Variants in DDIAS observed in about 807,000 individuals in gnomAD.
DDIAS encodes the protein DNA damage induced apoptosis suppressor, also known as DNA damage-induced apoptosis suppressor protein.
Under a neutral mutation model 15.7 loss-of-function variants are expected in DDIAS, and 14 were observed. The observed-to-expected ratio is 0.89, with a 90% CI of 0.59 to 1.39. The LOEUF (loss-of-function observed/expected upper bound fraction) is 1.39, where lower values mean the gene tolerates loss of function less well. Among genes scored for constraint, DDIAS ranks in the 40% most tolerant of loss-of-function variants. The pLI, the probability that DDIAS is intolerant of heterozygous loss-of-function variation, is 0.00. For synonymous variants in DDIAS, 355 were observed against 395.9 expected, an observed-to-expected ratio of 0.90 and a Z score of 1.23; for missense variants, 1,035 against 1,130.9, an observed-to-expected ratio of 0.92 and a Z score of 1.22.
intron 3 of DDIAS, among the ~76,000 whole-genome samples, chr11:82,927,550 G>T (rs1264067472): frequency 6.6e-6 from 1 of 152,112 alleles, no homozygotes; most frequent in African/African-American, 2.4e-5. Context: ...TCTTTTTTAA[G>T]ATCTTTAGCA....
chr11:82,923,010 G>C (rs1315776895), intron 3 of DDIAS, among the ~76,000 whole-genome samples: 1 of 152,160 alleles, frequency 6.6e-6, no homozygotes, highest in Non-Finnish European at 1.5e-5. Context: ...GTGGTATTCA[G>C]GGTTTGTCTG....
intron 3 of DDIAS, among the ~76,000 whole-genome samples, chr11:82,919,860 G>A (rs975670204): frequency 2.6e-5 from 4 of 152,040 alleles, no homozygotes; most frequent in Admixed American, 2.0e-4. Context: ...TGAGTAGCTG[G>A]GACTACTGGT....
rs71063242 is a variant in DDIAS, at chr11:82,926,088, A to ATTT, written c.114-2674_114-2672dup. Among the ~76,000 whole-genome samples the ATTT allele has an allele frequency of 2.1e-3, 286 of 133,986 alleles. 12 individuals carry two copies. The highest frequency in any genetic ancestry group is 7.9e-3 in the Middle Eastern group (2 of 252). 87.9% of individuals were successfully genotyped at this position (133,986 alleles called of 152,430 possible). A position where few individuals can be genotyped will look rare whatever the true frequency, so the allele number is the denominator to read the frequency against. ...GAATATATTCAATCTTTGGCAAGTA[A>ATTT]TTTTTTTTTTTTTTTTTGAGACAGG... is the stretch of plus-strand genomic sequence containing the variant. On this transcript the variant is annotated intron_variant, in intron 3 of 5. Transcript: ENST00000533655.
chr11:82,917,113 A>G (rs1248339500), intron 3 of DDIAS, among the ~76,000 whole-genome samples: 1 of 151,708 alleles, frequency 6.6e-6, no homozygotes, highest in Non-Finnish European at 1.5e-5. Context: ...ACATTGACAC[A>G]AAAATTTTTT....
intron 1 of DDIAS, among the ~76,000 whole-genome samples, chr11:82,905,619 C>T (rs1860412918): frequency 6.6e-6 from 1 of 152,098 alleles, no homozygotes; most frequent in Admixed American, 6.5e-5. Flanking sequence ...TCTCATGGCA[C>T]TATGCATTTC....
chr11:82,933,941 C>T lies in DDIAS; in HGVS notation c.2603C>T (p.Thr868Ile). Reference sequence around the variant, plus strand: ...GATAGTGATGAATGGGTCCCTCCTACCACACAAAAAATATTTCCTTCAGAT... The same window carrying T: ...GATAGTGATGAATGGGTCCCTCCTATCACACAAAAAATATTTCCTTCAGAT... ...ETDSDEWVPPTTQKIFPSDML... is the reference protein window; with the variant it reads ...ETDSDEWVPPITQKIFPSDML... The change falls in exon 6 of 6, where the codon ACC becomes ATC. Residue 868 changes from threonine (T) to isoleucine (I), a missense_variant. Thr to Ile is a moderately conservative substitution (Grantham distance 89). Transcript: ENST00000533655. 6.2e-7 allele frequency: 1 copy of T among 1,612,456 alleles called. No individual in the cohort carries two copies. The highest frequency in any genetic ancestry group is 8.5e-7 in the Non-Finnish European group (1 of 1,179,644).
At chr11:82,908,118 G>C (rs1860465950) in intron 1 of DDIAS, among the ~76,000 whole-genome samples, 1 of 152,192 alleles carries the variant, frequency 6.6e-6, no homozygotes, top group South Asian at 2.1e-4. Flanking sequence ...TAACATTAGA[G>C]TTACAGATTG....
chr11:82,928,808 G>C lies in DDIAS; in HGVS notation c.145G>C (p.Glu49Gln). 1 of 1,613,564 alleles carries C rather than the reference G, an allele frequency of 6.2e-7. No individual in the cohort carries two copies. Among genetic ancestry groups the C allele is most frequent in the Non-Finnish European group, 8.5e-7 (1 of 1,179,830 alleles). Residue 49 changes from glutamate to glutamine, a missense_variant, in exon 4 of 6, where the codon GAA (glutamate) becomes CAA (glutamine). Glu to Gln is a conservative substitution (Grantham distance 29). Transcript: ENST00000533655. ...TTGTCCAAAATGTGGCTCTACTGGT[G>C]AATCTGGAAATGCCAATTACAGATA... ...SNCPKCGSTG[E>Q]SGNANYRYKL... is the part of the protein sequence containing the mutation.
intron 3 of DDIAS, among the ~76,000 whole-genome samples, chr11:82,918,386 G>T (rs1860674661): frequency 6.6e-6 from 1 of 152,190 alleles, no homozygotes; most frequent in African/African-American, 2.4e-5. Flanking sequence ...TCAGTTGGCT[G>T]TAAGTATTTG....
At chr11:82,904,204 C>A (rs1377311138) in intron 1 of DDIAS, among the ~76,000 whole-genome samples, 4 of 152,196 alleles carry the variant, frequency 2.6e-5, no homozygotes, top group African/African-American at 7.2e-5. Context: ...TTCTCTTCAG[C>A]CCCATCCCCA....
Position 82,933,531 on chromosome 11 carries a change from A to C in DDIAS, c.2193A>C (p.Ser731=). ...RSLSEDFIQP[S]QKLSLQSLSD... is the part of the protein sequence containing the mutation. ...TTTCTGAAGACTTCATCCAGCCTTC[A>C]CAAAAATTATCCTTGCAAAGCCTAT... Residue 731 remains serine (S), a synonymous_variant, in exon 6 of 6, where the codon TCA becomes TCC. Transcript: ENST00000533655. The C allele has an allele frequency of 6.2e-7, 1 of 1,614,120 alleles. No homozygotes were observed. The highest frequency in any genetic ancestry group is 8.5e-7 in the Non-Finnish European group (1 of 1,180,004).
At chr11:82,915,572 T>C (rs1365864124) in intron 3 of DDIAS, among the ~76,000 whole-genome samples, 2 of 152,236 alleles carry the variant, frequency 1.3e-5, no homozygotes, top group South Asian at 4.1e-4. Flanking sequence ...ATCTAGACTC[T>C]AAGTAATCCT....
intron 1 of DDIAS, among the ~76,000 whole-genome samples, chr11:82,910,606 CTTTTTTTTT>C (rs869173859): frequency 0.24 from 21,069 of 88,514 alleles, 1,681 homozygotes; most frequent in Admixed American, 0.32. Flanking sequence ...CTCTCTCTCT[CTTTTTTTTT>C]TTTTTTTTTT....
rs780444918 is a variant in DDIAS at position 82,931,987 on chromosome 11, A to G, written c.649A>G (p.Ile217Val). Residue 217 changes from isoleucine (I) to valine (V), a missense_variant, in exon 6 of 6, where the codon ATA becomes GTA. Physicochemically the swap from Ile to Val is conservative, Grantham distance 29. Transcript: ENST00000533655. ...TCACTCAAATAGTGATCTCAGCAGC[A>G]TATATACTTCTGACAGCACTTCTGA... ...LDHSNSDLSS[I>V]YTSDSTSDFF... 4 of 1,614,180 alleles carry G rather than the reference A, an allele frequency of 2.5e-6. No individual in the cohort carries two copies. The South Asian group carries it at 3.3e-5, about 13-fold the overall frequency.
chr11:82,933,563 C>G lies in DDIAS; in HGVS notation c.2225C>G (p.Ser742Cys), dbSNP rs748455451. Reference sequence around the variant, plus strand: ...TTATCCTTGCAAAGCCTATCTGACTCTAGGCATTCAAGAACATGCTCTCCA... The same window carrying G: ...TTATCCTTGCAAAGCCTATCTGACTGTAGGCATTCAAGAACATGCTCTCCA... The part of the protein sequence containing the change: ...QKLSLQSLSD[S>C]RHSRTCSPTP... The change falls in exon 6 of 6, where the codon TCT (serine) becomes TGT (cysteine). Residue 742 changes from serine (S) to cysteine (C), a missense_variant. Coordinates refer to ENST00000533655, the MANE Select transcript of DDIAS (RefSeq NM_145018.4). 1.4e-5 allele frequency: 23 copies of G among 1,614,062 alleles called. No individual in the cohort carries two copies. The highest frequency in any genetic ancestry group is 1.9e-5 in the Non-Finnish European group (23 of 1,179,962).
At position 82,933,382 on chromosome 11, in the gene DDIAS, G is replaced by T; in HGVS notation, c.2044G>T (p.Asp682Tyr). 6.2e-7 allele frequency: 1 copy of T among 1,613,976 alleles called. No individual in the cohort carries two copies. Among genetic ancestry groups the T allele is most frequent in the Non-Finnish European group, 8.5e-7 (1 of 1,179,936 alleles). The change falls in exon 6 of 6, where the codon GAT becomes TAT. Residue 682 changes from aspartate to tyrosine, a missense_variant. By Grantham distance (160) the Asp-to-Tyr change is radical. Coordinates refer to ENST00000533655, the MANE Select transcript of DDIAS (RefSeq NM_145018.4). ...TGATGCCTCTGCTGATCTCTTTGAT[G>T]ATATTGCTAAAGAAATGGACATTGC... is the stretch of plus-strand genomic sequence containing the variant. ...SYDASADLFD[D>Y]IAKEMDIATE... is the part of the protein sequence containing the mutation.
At chr11:82,920,592 T>G (rs1441041992) in intron 3 of DDIAS, among the ~76,000 whole-genome samples, 1 of 152,210 alleles carries the variant, frequency 6.6e-6, no homozygotes, top group Non-Finnish European at 1.5e-5. Flanking sequence ...GCCATTCAGT[T>G]TGAAGAATTT....
Position 82,931,860 on chromosome 11 carries a change from C to T in DDIAS, c.522C>T (p.Gly174=), listed in dbSNP as rs1268711103. ...TTCTACCAGACCCAGGTATTGCAGG[C>T]TTTACTGTCATTGACTACTTCCATC... ...QIVLPDPGIA[G]FTVIDYFHQL... The change falls in exon 6 of 6, where the codon GGC becomes GGT. Residue 174 remains glycine (G), a synonymous_variant. Coordinates refer to ENST00000533655, the MANE Select transcript of DDIAS (RefSeq NM_145018.4). 1 of 1,614,198 alleles carries T rather than the reference C, an allele frequency of 6.2e-7. No homozygotes were observed. The highest frequency in any genetic ancestry group is 1.3e-5 in the African/African-American group (1 of 75,044).
chr11:82,932,672 A>G lies in DDIAS; in HGVS notation c.1334A>G (p.His445Arg). 1 of 1,614,098 alleles carries G rather than the reference A, an allele frequency of 6.2e-7. No individual in the cohort carries two copies. The highest frequency in any genetic ancestry group is 8.5e-7 in the Non-Finnish European group (1 of 1,180,030). ...VTQADVSSRK[H>R]HVDNDIDKFH... ...CAGGCAGATGTCAGTAGTAGGAAAC[A>G]TCATGTAGATAATGACATTGATAAA... Residue 445 changes from histidine to arginine, a missense_variant, in exon 6 of 6, where the codon CAT becomes CGT. Coordinates refer to ENST00000533655, the MANE Select transcript of DDIAS (RefSeq NM_145018.4).
Sources: gnomAD v4.1 joint callset for allele counts (sites outside exome capture counted in the v4.1 genomes callset) on GRCh38, gnomAD v4.1.1 for gene constraint, MANE v1.5 for transcripts, NCBI Gene and HGNC (gene_info 2026-07-23, HGNC 2026-07-21) for gene names.